Variants in BABAM2 observed in about 807,000 individuals in gnomAD.
BABAM2 encodes BRISC and BRCA1-A complex member 2.
A neutral mutation model predicts 54.7 loss-of-function variants in BABAM2; 31 were observed. The ratio of observed to expected loss-of-function variants is 0.57; its 90% CI spans 0.43 to 0.77. The LOEUF is 0.77. BABAM2 is among the 30% of genes least tolerant of loss of function. The probability of loss-of-function intolerance (pLI) is 0.00; values close to 1 mark genes in which losing one functional copy is unlikely to be tolerated. For missense variants in BABAM2, 364 were observed against 455.8 expected, an observed-to-expected ratio of 0.80 and a Z score of 1.83; for synonymous variants, 167 against 162.9, an observed-to-expected ratio of 1.03 and a Z score of -0.19.
chr2:28,004,441 T>C (rs574092656), intron 4 of BABAM2, among the ~76,000 whole-genome samples: 1 of 152,250 alleles, frequency 6.6e-6, no homozygotes, highest in East Asian at 1.9e-4. Context: ...TTCAACACAT[T>C]GAATACAGTT....
chr2:27,928,594 G>A (rs1240107770), intron 2 of BABAM2, among the ~76,000 whole-genome samples: 1 of 152,116 alleles, frequency 6.6e-6, no homozygotes, highest in Non-Finnish European at 1.5e-5. Context: ...ATGTAGGGAA[G>A]TTGTACATTT....
chr2:27,946,727 G>A (rs1388319421), intron 3 of BABAM2, among the ~76,000 whole-genome samples: 7 of 152,068 alleles, frequency 4.6e-5, no homozygotes, highest in Non-Finnish European at 1.5e-5. Context: ...GCAAGAGAGA[G>A]AGTGAGCGAG....
At chr2:27,921,096 G>A (rs1650032509) in intron 2 of BABAM2, among the ~76,000 whole-genome samples, 1 of 151,958 alleles carries the variant, frequency 6.6e-6, no homozygotes, top group Admixed American at 6.5e-5. Flanking sequence ...AATTTAAAGA[G>A]GAGTCAAATC....
At chr2:27,899,302 C>A (rs1553385278) in intron 2 of BABAM2, among the ~76,000 whole-genome samples, 4 of 152,152 alleles carry the variant, frequency 2.6e-5, no homozygotes, top group Non-Finnish European at 5.9e-5. Flanking sequence ...GAAATTCTTA[C>A]TCTTTCTATC....
chr2:28,234,935 G>A (rs1004036569), intron 7 of BABAM2, among the ~76,000 whole-genome samples: 8 of 152,192 alleles, frequency 5.3e-5, no homozygotes, highest in Admixed American at 3.9e-4. Flanking sequence ...TACTCTAAGC[G>A]TAGCAAAAGG....
chr2:28,094,487 A>T (rs1437626083), intron 6 of BABAM2, among the ~76,000 whole-genome samples: 1 of 152,166 alleles, frequency 6.6e-6, no homozygotes, highest in Non-Finnish European at 1.5e-5. Context: ...TCAAATAGAC[A>T]AAGAAGCTGA....
intron 2 of BABAM2, among the ~76,000 whole-genome samples, chr2:27,917,533 G>C (rs530085930): frequency 6.6e-6 from 1 of 152,230 alleles, no homozygotes; most frequent in South Asian, 2.1e-4. Context: ...GAAGGGAAAA[G>C]GGGCAGACGA....
intron 11 of BABAM2, among the ~76,000 whole-genome samples, chr2:28,337,309 C>T (rs1272381659): frequency 6.6e-6 from 1 of 152,180 alleles, no homozygotes; most frequent in African/African-American, 2.4e-5. Flanking sequence ...AATGCCCCTC[C>T]ACTGCCCCTT....
intron 3 of BABAM2, among the ~76,000 whole-genome samples, chr2:27,940,797 C>T (rs1355642535): frequency 1.3e-5 from 2 of 152,176 alleles, no homozygotes; most frequent in Non-Finnish European, 2.9e-5. Context: ...AAAGGACAGC[C>T]AGGTTCTCAG....
intron 6 of BABAM2, among the ~76,000 whole-genome samples, chr2:28,071,779 T>C (rs1271839675): frequency 6.6e-6 from 1 of 152,224 alleles, no homozygotes; most frequent in Non-Finnish European, 1.5e-5. Flanking sequence ...GTTGACTATT[T>C]ATGTATTAAA....
chr2:28,016,251 C>T (rs1674805495), intron 4 of BABAM2: 1 of 913,956 alleles, frequency 1.1e-6, no homozygotes, highest in Non-Finnish European at 1.8e-6. Flanking sequence ...AACAATTTCC[C>T]CCTGTGTTTT....
intron 11 of BABAM2, among the ~76,000 whole-genome samples, chr2:28,335,758 A>G (rs79785599): frequency 6.6e-6 from 1 of 152,192 alleles, no homozygotes. Flanking sequence ...TGTCCTGAGC[A>G]TGAATAAGCC....
At chr2:28,070,691 C>G (rs1664052666) in intron 6 of BABAM2, among the ~76,000 whole-genome samples, 1 of 152,132 alleles carries the variant, frequency 6.6e-6, no homozygotes, top group South Asian at 2.1e-4. Context: ...AAGTACTTTT[C>G]TTATCAATCT....
chr2:28,058,380 G>A (rs1269073350), intron 6 of BABAM2, among the ~76,000 whole-genome samples: 1 of 151,928 alleles, frequency 6.6e-6, no homozygotes, highest in African/African-American at 2.4e-5. Flanking sequence ...TTGTATTTAG[G>A]AATAGAAATC....
intron 10 of BABAM2, among the ~76,000 whole-genome samples, chr2:28,247,501 C>A (rs184150397): frequency 1.3e-5 from 2 of 152,240 alleles, no homozygotes; most frequent in East Asian, 3.9e-4. Context: ...CCTTTTTCTC[C>A]CTTCCATGAA....
At chr2:28,106,225 T>A (rs75423282) in intron 6 of BABAM2, among the ~76,000 whole-genome samples, 4,021 of 152,306 alleles carry the variant, frequency 0.026, 171 homozygotes, top group African/African-American at 0.09. Context: ...CAAATTTCAC[T>A]TATATTGTCC....
chr2:28,160,976 A>G (rs1558394399), intron 7 of BABAM2, among the ~76,000 whole-genome samples: 1 of 152,208 alleles, frequency 6.6e-6, no homozygotes, highest in Non-Finnish European at 1.5e-5. Context: ...AGACTACCGC[A>G]GAGTTAAACC....
intron 7 of BABAM2, among the ~76,000 whole-genome samples, chr2:28,151,699 A>T (rs1189752002): frequency 6.6e-6 from 1 of 152,210 alleles, no homozygotes; most frequent in Non-Finnish European, 1.5e-5. Flanking sequence ...GAATAACAAT[A>T]AATTAGAGCA....
intron 3 of BABAM2, among the ~76,000 whole-genome samples, chr2:27,944,171 G>C (rs569694156): frequency 4.6e-5 from 7 of 151,688 alleles, no homozygotes; most frequent in Non-Finnish European, 1.0e-4. Context: ...TTATTTTATC[G>C]ACACAATAAC....
Sources: gnomAD v4.1 joint callset for allele counts (sites outside exome capture counted in the v4.1 genomes callset) on GRCh38, gnomAD v4.1.1 for gene constraint, MANE v1.5 for transcripts, NCBI Gene and HGNC (gene_info 2026-07-23, HGNC 2026-07-21) for gene names.